TMEM72: variants seen among roughly 807,000 people sequenced by gnomAD.
TMEM72 encodes transmembrane protein 72.
TMEM72 carries 9 observed loss-of-function variants against 16.3 expected under a neutral mutation model. The ratio of observed to expected loss-of-function variants is 0.55; its 90% CI spans 0.33 to 0.96. The LOEUF (loss-of-function observed/expected upper bound fraction) is 0.96, where lower values mean the gene tolerates loss of function less well. TMEM72 is among the 40% of genes least tolerant of loss of function. The pLI, the probability that TMEM72 is intolerant of heterozygous loss-of-function variation, is 0.03. For synonymous variants in TMEM72, 160 were observed against 146.5 expected (o/e 1.09, Z -0.66); for missense variants, 324 against 337.8 (o/e 0.96, Z 0.32).
At chr10:44,931,209 G>C (rs370505372) in intron 2 of TMEM72, among the ~76,000 whole-genome samples, 20 of 152,354 alleles carry the variant, frequency 1.3e-4, no homozygotes, top group African/African-American at 4.8e-4. Context: ...ATAGCTTCTT[G>C]TGTTGTCAAG....
At chr10:44,915,224 G>A (rs1460214310) in intron 1 of TMEM72, among the ~76,000 whole-genome samples, 2 of 152,220 alleles carry the variant, frequency 1.3e-5, no homozygotes, top group African/African-American at 4.8e-5. Context: ...CTCCAGGGCT[G>A]AATTTCACTC....
rs1352965095 is a variant in TMEM72 at position 44,934,718 on chromosome 10, G to A, written c.412G>A (p.Ala138Thr). 3.1e-6 allele frequency: 5 copies of A among 1,610,646 alleles called. No individual in the cohort carries two copies. In the African/African-American group the frequency reaches 6.7e-5, roughly 22 times the overall value. Reference protein sequence around the residue: ...FLLSKRKKRKAAPEVLASPEQ... With the variant: ...FLLSKRKKRKTAPEVLASPEQ... ...TCTGAGCAAGCGGAAGAAGAGGAAA[G>A]CTGCCCCCGAGGTGCTGGCCTCCCC... The change falls in exon 5 of 5, where the codon GCT becomes ACT. Residue 138 changes from alanine (A) to threonine (T), a missense_variant. By Grantham distance (58) the Ala-to-Thr change is moderately conservative (BLOSUM62 0). Transcript: ENST00000389583.
intron 1 of TMEM72, among the ~76,000 whole-genome samples, chr10:44,912,196 T>G (rs114864494): frequency 0.012 from 1,789 of 152,266 alleles, 26 homozygotes; most frequent in African/African-American, 0.038. Flanking sequence ...GCAGCAGAGA[T>G]GCTTCCCAGA....
rs1351138040 is a variant in TMEM72, at chr10:44,934,748, C to G, written c.442C>G (p.Gln148Glu). ...CCCCGAGGTGCTGGCCTCCCCAGAG[C>G]AGTACACAGACCCCTCTAGCAGCGC... ...AAPEVLASPE[Q>E]YTDPSSSAVS... The change falls in exon 5 of 5, where the codon CAG becomes GAG. Residue 148 changes from glutamine (Q) to glutamate (E), a missense_variant. Physicochemically the swap from Gln to Glu is conservative, Grantham distance 29. Transcript: ENST00000389583. The G allele has an allele frequency of 2.5e-6, 4 of 1,613,518 alleles. No homozygotes were observed. The highest frequency in any genetic ancestry group is 3.4e-6 in the Non-Finnish European group (4 of 1,180,006).
In TMEM72 at chr10:44,920,025, C is replaced by T. The variant is rs547124446; in HGVS notation, c.71-7896C>T. On this transcript the variant is annotated intron_variant, in intron 1 of 4. Coordinates refer to ENST00000389583, the MANE Select transcript of TMEM72 (RefSeq NM_001123376.3). ...ACCTCTACCCTGGCGGTGACCACCT[C>T]TCCTGGACCATCCACGCCCATTGTC... The T allele has an allele frequency of 3.3e-5, 5 of 152,384 alleles. No individual in the cohort carries two copies. In the South Asian group the frequency reaches 1.0e-3, roughly 32 times the overall value. The allele number at this position is 152,384 out of a possible 1,614,324, so 9.4% of individuals were successfully genotyped here.
chr10:44,934,608 AT>A (rs1381212640), intron 4 of TMEM72, 47 bp from the exon 5 acceptor site: 11 of 1,498,686 alleles, frequency 7.3e-6, no homozygotes, highest in Admixed American at 4.6e-5. Context: ...AGGACTCCGG[AT>A]TTTTTCCGTG....
At chr10:44,913,447 T>TGCAC (rs544405156) in intron 1 of TMEM72, among the ~76,000 whole-genome samples, 399 of 148,346 alleles carry the variant, frequency 2.7e-3, no homozygotes, top group African/African-American at 9.8e-3. Context: ...CACTCCCATG[T>TGCAC]GCACGCACAC....
At chr10:44,932,913 A>G (rs906226760) in intron 3 of TMEM72, among the ~76,000 whole-genome samples, 1 of 152,104 alleles carries the variant, frequency 6.6e-6, no homozygotes, top group Non-Finnish European at 1.5e-5. Flanking sequence ...GCCTGCGAGC[A>G]TAAGAGAGCA....
intron 1 of TMEM72, among the ~76,000 whole-genome samples, chr10:44,916,444 G>A (rs1564432682): frequency 1.3e-5 from 2 of 152,162 alleles, no homozygotes; most frequent in Admixed American, 1.3e-4. Flanking sequence ...AAACCCAGCT[G>A]TTCTCATTAT....
intron 2 of TMEM72, among the ~76,000 whole-genome samples, chr10:44,928,936 G>T (rs955963314): frequency 6.6e-6 from 1 of 152,200 alleles, no homozygotes; most frequent in Non-Finnish European, 1.5e-5. Context: ...AGAGAATGGG[G>T]AATCAGGTCA....
intron 1 of TMEM72, chr10:44,923,152 G>A (rs1840128559): frequency 6.6e-6 from 1 of 152,514 alleles, no homozygotes; most frequent in Admixed American, 6.5e-5. Flanking sequence ...ACGTGGCTGA[G>A]GTGGCTCATC....
chr10:44,927,304 G>A (rs116442744), intron 1 of TMEM72, among the ~76,000 whole-genome samples: 2,143 of 152,252 alleles, frequency 0.014, 45 homozygotes, highest in African/African-American at 0.045. Flanking sequence ...AGGCAGGTCC[G>A]AGATGAAATT....
chr10:44,926,257 G>A lies in TMEM72; in HGVS notation c.71-1664G>A, dbSNP rs114168376. Among the ~76,000 whole-genome samples, 292 of 152,164 alleles carry A rather than the reference G, an allele frequency of 1.9e-3. 1 individual carries two copies. The highest frequency in any genetic ancestry group is 6.5e-3 in the African/African-American group (269 of 41,514). On this transcript the variant is annotated intron_variant, in intron 1 of 4. Coordinates refer to ENST00000389583, the MANE Select transcript of TMEM72 (RefSeq NM_001123376.3). ...CACACACACGTGTCCACACATGCACGCACGCAGGCTGGAAAGCAGTGGGTA... is the reference window on the plus strand; with the variant it reads ...CACACACACGTGTCCACACATGCACACACGCAGGCTGGAAAGCAGTGGGTA...
intron 1 of TMEM72, among the ~76,000 whole-genome samples, chr10:44,924,294 T>A (rs955477616): frequency 6.6e-6 from 1 of 152,170 alleles, no homozygotes; most frequent in African/African-American, 2.4e-5. Context: ...TCTACCTTCA[T>A]CGTTATTCAT....
At chr10:44,930,419 G>A (rs550195966) in intron 2 of TMEM72, among the ~76,000 whole-genome samples, 1 of 152,310 alleles carries the variant, frequency 6.6e-6, no homozygotes, top group African/African-American at 2.4e-5. Context: ...CCCTGCTACT[G>A]ATAAGGGGCC....
intron 1 of TMEM72, among the ~76,000 whole-genome samples, chr10:44,924,550 G>T (rs1332623): frequency 0.71 from 108,156 of 152,080 alleles, 39,287 homozygotes; most frequent in Middle Eastern, 0.81. Flanking sequence ...TGGGCCTGCC[G>T]CTCCCAGCAG....
intron 2 of TMEM72, among the ~76,000 whole-genome samples, chr10:44,931,460 A>G (rs1840295418): frequency 1.3e-5 from 2 of 152,174 alleles, no homozygotes; most frequent in Non-Finnish European, 2.9e-5. Flanking sequence ...GGGGAGCAGG[A>G]GACAGGCCTG....
chr10:44,933,780 A>C lies in TMEM72; in HGVS notation c.349+4A>C, dbSNP rs146846384. Reference sequence around the variant, plus strand: ...GTCTGGCACGTGACCATCCCAGGTAAGAGCACAGGGGTAGAGATATGCAGC... The same window carrying C: ...GTCTGGCACGTGACCATCCCAGGTACGAGCACAGGGGTAGAGATATGCAGC... On this transcript the variant is annotated splice_donor_region_variant and intron_variant, in intron 4 of 4. Coordinates refer to ENST00000389583, the MANE Select transcript of TMEM72 (RefSeq NM_001123376.3). 19 of 1,612,866 alleles carry C rather than the reference A, an allele frequency of 1.2e-5. No individual in the cohort carries two copies. The East Asian group carries it at 4.2e-4, about 36-fold the overall frequency.
At chr10:44,927,297 C>G (rs1840211599) in intron 1 of TMEM72, among the ~76,000 whole-genome samples, 1 of 152,164 alleles carries the variant, frequency 6.6e-6, no homozygotes, top group African/African-American at 2.4e-5. Flanking sequence ...TCTGGAAAGG[C>G]AGGTCCGAGA....
Sources: allele counts gnomAD v4.1 joint callset (sites outside exome capture counted in the v4.1 genomes callset), GRCh38; gene constraint gnomAD v4.1.1; transcripts MANE v1.5; gene names NCBI Gene and HGNC (gene_info 2026-07-23, HGNC 2026-07-21).